SLC25A3: variants seen among roughly 807,000 people sequenced by gnomAD.
SLC25A3 encodes the protein phosphate transport protein.
SLC25A3 carries 14 observed loss-of-function variants against 37.1 expected under a neutral mutation model. That is an observed-to-expected ratio of 0.38 (90% CI 0.25 to 0.59). The LOEUF is 0.59. Ranked by LOEUF, SLC25A3 falls within the 20% of genes least tolerant of loss-of-function variation. The pLI is 0.67. For synonymous variants in SLC25A3, 161 were observed against 168.7 expected, an observed-to-expected ratio of 0.95 and a Z score of 0.36; for missense variants, 385 against 458.1, an observed-to-expected ratio of 0.84 and a Z score of 1.46.
intron 6 of SLC25A3, 62 bp from the exon 7 acceptor site, chr12:98,601,109 T>TA: frequency 6.4e-7 from 1 of 1,564,706 alleles, no homozygotes; most frequent in Non-Finnish European, 8.7e-7. Flanking sequence ...TAAAAATGAT[T>TA]ATTGGCTCTG....
Position 98,601,294 on chromosome 12 carries a change from T to C in SLC25A3, c.925+13T>C, listed in dbSNP as rs1336693035. On this transcript the variant is annotated intron_variant, in intron 7 of 7. Coordinates refer to ENST00000552981, the MANE Select transcript of SLC25A3 (RefSeq NM_002635.4). ...CTTGGATTTAAAGGTAGGATGATGTTTTTTTCTTGAAAGAAAGAACAACAG... is the reference window on the plus strand; with the variant it reads ...CTTGGATTTAAAGGTAGGATGATGTCTTTTTCTTGAAAGAAAGAACAACAG... The C allele has an allele frequency of 1.2e-6, 2 of 1,614,158 alleles. No homozygotes were observed. The highest frequency in any genetic ancestry group is 2.2e-5 in the East Asian group (1 of 44,878).
intron 2 of SLC25A3, 52 bp from the exon 3 acceptor site, chr12:98,595,675 C>T (rs755548057): frequency 1.9e-5 from 30 of 1,613,928 alleles, no homozygotes; most frequent in Non-Finnish European, 2.5e-5. Context: ...AGTTTATGAC[C>T]AGTAACATGA....
intron 3 of SLC25A3, among the ~76,000 whole-genome samples, chr12:98,596,460 G>GTA: frequency 6.6e-6 from 1 of 152,304 alleles, no homozygotes; most frequent in East Asian, 1.9e-4. Context: ...GGAAGGTGAT[G>GTA]TATACCATCC....
Position 98,602,087 on chromosome 12 carries a change from T to G in SLC25A3, c.*559T>G, listed in dbSNP as rs1188604002. ...ACAAGGTAAACCAAATTAGGCTGATTCTTAGAATGACAGTAAAGGACCAAA... is the reference window on the plus strand; with the variant it reads ...ACAAGGTAAACCAAATTAGGCTGATGCTTAGAATGACAGTAAAGGACCAAA... On this transcript the variant is annotated 3_prime_UTR_variant, in exon 8 of 8. Coordinates refer to ENST00000552981, the MANE Select transcript of SLC25A3 (RefSeq NM_002635.4). The G allele has an allele frequency of 1.9e-5, 3 of 159,298 alleles. No homozygotes were observed. Among genetic ancestry groups the G allele is most frequent in the African/African-American group, 7.2e-5 (3 of 41,462 alleles). The allele number at this position is 159,298 out of a possible 1,614,324, so 9.9% of individuals were successfully genotyped here.
At position 98,600,132 on chromosome 12, in the gene SLC25A3, G is replaced by A. The variant is rs200029342; in HGVS notation, c.814+5G>A. On this transcript the variant is annotated splice_donor_5th_base_variant and intron_variant, in intron 6 of 7. Coordinates refer to ENST00000552981, the MANE Select transcript of SLC25A3 (RefSeq NM_002635.4). ...CATTTGTAGCAGGTTACATAGGTAC[G>A]AATTACTTAGAACACACTTGTCTGA... 15 of 1,519,828 alleles carry A rather than the reference G, an allele frequency of 9.9e-6. No homozygotes were observed. Among genetic ancestry groups the A allele is most frequent in the Non-Finnish European group, 1.4e-5 (15 of 1,094,004 alleles). 94.1% of individuals were successfully genotyped at this position (1,519,828 alleles called of 1,614,324 possible). A position where few individuals can be genotyped will look rare whatever the true frequency, so the allele number is the denominator to read the frequency against.
chr12:98,593,700 A>T lies in SLC25A3; in HGVS notation c.-45A>T. The T allele has an allele frequency of 1.9e-6, 1 of 536,052 alleles. No individual in the cohort carries two copies. Among genetic ancestry groups the T allele is most frequent in the Non-Finnish European group, 3.4e-6 (1 of 295,864 alleles). The allele number at this position is 536,052 out of a possible 1,614,324, so 33.2% of individuals were successfully genotyped here. A position where few individuals can be genotyped will look rare whatever the true frequency, so the allele number is the denominator to read the frequency against. On this transcript the variant is annotated 5_prime_UTR_variant, in exon 1 of 8. Coordinates refer to ENST00000552981, the MANE Select transcript of SLC25A3 (RefSeq NM_002635.4). ...GGACGTCCGGCCTCTGTGAGCCGCA[A>T]CCTTTCCAAGGGAGTGGTTGTGTGA...
Position 98,604,263 on chromosome 12 carries a change from A to ATATATATATATATATATATATAT in SLC25A3, c.*2735_*2736insTATATATATATATATATATATAT, listed in dbSNP as rs1555209327. On this transcript the variant is annotated 3_prime_UTR_variant, in exon 8 of 8. Coordinates refer to ENST00000552981, the MANE Select transcript of SLC25A3 (RefSeq NM_002635.4). Reference sequence around the variant, plus strand: ...GCGAAACTCTGTCTCAAAAAAAAAAAATATATATATATATATATATATATG... The same window carrying ATATATATATATATATATATATAT: ...GCGAAACTCTGTCTCAAAAAAAAAAATATATATATATATATATATATATATATATATATATATATATATATATG... 1 of 134,588 alleles carries ATATATATATATATATATATATAT rather than the reference A, an allele frequency of 7.4e-6. No individual in the cohort carries two copies. The highest frequency in any genetic ancestry group is 2.9e-5 in the African/African-American group (1 of 34,840). The allele number at this position is 134,588 out of a possible 1,614,324, so 8.3% of individuals were successfully genotyped here.
rs1227926436 is a variant in SLC25A3 at position 98,603,712 on chromosome 12, C to G, written c.*2184C>G. 6.6e-6 allele frequency: 1 copy of G among 152,152 alleles called. No individual in the cohort carries two copies. The highest frequency in any genetic ancestry group is 1.9e-4 in the East Asian group (1 of 5,192). The allele number at this position is 152,152 out of a possible 1,614,324, so 9.4% of individuals were successfully genotyped here. A position where few individuals can be genotyped will look rare whatever the true frequency, so the allele number is the denominator to read the frequency against. ...GCATTGATACAAAATACGCTGTGTTCAAGCTATGGAGCCTGCCACTGTAGT... is the reference window on the plus strand; with the variant it reads ...GCATTGATACAAAATACGCTGTGTTGAAGCTATGGAGCCTGCCACTGTAGT... On this transcript the variant is annotated 3_prime_UTR_variant, in exon 8 of 8. Coordinates refer to ENST00000552981, the MANE Select transcript of SLC25A3 (RefSeq NM_002635.4).
At chr12:98,600,918 C>G in intron 6 of SLC25A3, 1 of 417,920 alleles carries the variant, frequency 2.4e-6, no homozygotes, top group Non-Finnish European at 4.4e-6. Flanking sequence ...ATTGATCTTA[C>G]TGTTGCACCA....
chr12:98,601,479 C>T lies in SLC25A3; in HGVS notation c.1037C>T (p.Pro346Leu). 3 of 1,614,066 alleles carry T rather than the reference C, an allele frequency of 1.9e-6. No individual in the cohort carries two copies. Among genetic ancestry groups the T allele is most frequent in the Non-Finnish European group, 2.5e-6 (3 of 1,179,954 alleles). ...TACTTCAGACTTCCTCGCCCTCCTCCACCCGAGATGCCAGAGTCTCTGAAG... is the reference window on the plus strand; with the variant it reads ...TACTTCAGACTTCCTCGCCCTCCTCTACCCGAGATGCCAGAGTCTCTGAAG... ...KVYFRLPRPPPPEMPESLKKK... is the reference protein window; with the variant it reads ...KVYFRLPRPPLPEMPESLKKK... The change falls in exon 8 of 8, where the codon CCA becomes CTA. Residue 346 changes from proline (P) to leucine (L), a missense_variant. Pro to Leu is a moderately conservative substitution (Grantham distance 98). This residue lies in a region of SLC25A3 where 276 missense variants were observed against 367.6 expected (regional missense o/e 0.75). Transcript: ENST00000552981.
At chr12:98,595,692 T>C (rs756404561) in intron 2 of SLC25A3, 35 bp from the exon 3 acceptor site, 4 of 1,614,156 alleles carry the variant, frequency 2.5e-6, no homozygotes, top group Non-Finnish European at 3.4e-6. Context: ...ATGAGTTTTA[T>C]ATTAAAATGC....
intron 3 of SLC25A3, chr12:98,597,590 AT>A: frequency 5.0e-6 from 2 of 398,094 alleles, no homozygotes; most frequent in South Asian, 2.2e-5. Context: ...TGCCCGTCCA[AT>A]TTTTTGTATT....
rs745953514 is a variant in SLC25A3, at chr12:98,600,142, G to C, written c.814+15G>C. 6.9e-7 allele frequency: 1 copy of C among 1,452,530 alleles called. No individual in the cohort carries two copies. The highest frequency in any genetic ancestry group is 9.7e-7 in the Non-Finnish European group (1 of 1,032,312). 90.0% of individuals were successfully genotyped at this position (1,452,530 alleles called of 1,614,324 possible). ...AGGTTACATAGGTACGAATTACTTA[G>C]AACACACTTGTCTGAAATTATGAAC... is the stretch of plus-strand genomic sequence containing the variant. On this transcript the variant is annotated intron_variant, in intron 6 of 7. Coordinates refer to ENST00000552981, the MANE Select transcript of SLC25A3 (RefSeq NM_002635.4).
chr12:98,594,223 G>T, intron 2 of SLC25A3, 88 bp downstream of exon 2: 1 of 1,128,942 alleles, frequency 8.9e-7, no homozygotes, highest in Non-Finnish European at 1.3e-6. Flanking sequence ...GGAGGACAGG[G>T]AAGGACGAGT....
rs1357218253 is a variant in SLC25A3, at chr12:98,601,082, ATAT to A, written c.815-84_815-82del. The A allele has an allele frequency of 6.2e-6, 9 of 1,451,010 alleles. 2 individuals carry two copies. The highest frequency in any genetic ancestry group is 5.0e-5 in the South Asian group (4 of 79,398). The allele number at this position is 1,451,010 out of a possible 1,614,324, so 89.9% of individuals were successfully genotyped here. A position where few individuals can be genotyped will look rare whatever the true frequency, so the allele number is the denominator to read the frequency against. ...TGATTTTTATTTTAGAACTAGAAAA[ATAT>A]TATTTTAAAATCATAAAAATGATTA... On this transcript the variant is annotated intron_variant, in intron 6 of 7. Coordinates refer to ENST00000552981, the MANE Select transcript of SLC25A3 (RefSeq NM_002635.4).
chr12:98,600,268 C>T (rs1181816962), intron 6 of SLC25A3, 141 bp downstream of exon 6: 7 of 678,318 alleles, frequency 1.0e-5, no homozygotes, highest in South Asian at 3.2e-5. Context: ...GGCATAGTCT[C>T]GCTCTGTTGC....
At chr12:98,594,424 C>T in intron 2 of SLC25A3, 2 of 691,642 alleles carry the variant, frequency 2.9e-6, no homozygotes, top group South Asian at 1.5e-5. Context: ...GCCGTGAGCT[C>T]GCTTGGTCAG....
At position 98,594,328 on chromosome 12, in the gene SLC25A3, C is replaced by T. The variant is rs1348197180; in HGVS notation, c.157+193C>T. 4 of 705,908 alleles carry T rather than the reference C, an allele frequency of 5.7e-6. No homozygotes were observed. In the South Asian group the frequency reaches 5.9e-5, roughly 10 times the overall value. The allele number at this position is 705,908 out of a possible 1,614,324, so 43.7% of individuals were successfully genotyped here. A position where few individuals can be genotyped will look rare whatever the true frequency, so the allele number is the denominator to read the frequency against. On this transcript the variant is annotated intron_variant, in intron 2 of 7. Transcript: ENST00000552981. ...GGGTGTCAGATCCTTGGCCTTCCCT[C>T]AAGGGCGTGGAAGCGCTGAGGCCCT...
In SLC25A3 at chr12:98,594,102, C is replaced by T. The variant is rs11544649; in HGVS notation, c.124C>T (p.Arg42Cys). Residue 42 changes from arginine (R) to cysteine (C), a missense_variant, in exon 2 of 8, where the codon CGC (arginine) becomes TGC (cysteine). This residue lies in a region of SLC25A3 where 109 missense variants were observed against 90.5 expected (regional missense o/e 1.20). Transcript: ENST00000552981. ...SSPGPTGQPR[R>C]PRNLAAAAVE... ...CCCAGGGCCCACGGGCCAGCCCCGC[C>T]GCCCTCGCAACCTGGCAGCCGCCGC... 1.9e-6 allele frequency: 3 copies of T among 1,611,834 alleles called. No individual in the cohort carries two copies. Among genetic ancestry groups the T allele is most frequent in the East Asian group, 2.2e-5 (1 of 44,826 alleles).
Sources: gnomAD v4.1 joint callset for allele counts (sites outside exome capture counted in the v4.1 genomes callset) on GRCh38, gnomAD v4.1.1 for gene constraint, gnomAD v4.1.1 regional missense constraint, MANE v1.5 for transcripts, NCBI Gene and HGNC (gene_info 2026-07-23, HGNC 2026-07-21) for gene names.